The following HDAC9 variants were observed in gnomAD, a reference collection of about 807,000 sequenced individuals.
The protein encoded by HDAC9 is MEF-2 interacting transcription repressor (MITR) protein.
HDAC9 carries 41 observed loss-of-function variants against 139.4 expected under a neutral mutation model. That is an observed-to-expected ratio of 0.29 (90% CI 0.23 to 0.38). The LOEUF (loss-of-function observed/expected upper bound fraction) is 0.38, where lower values mean the gene tolerates loss of function less well. Among genes scored for constraint, HDAC9 ranks in the 10% least tolerant of loss-of-function variants. The pLI, the probability that HDAC9 is intolerant of heterozygous loss-of-function variation, is 1.00. For missense variants in HDAC9, 1,147 were observed against 1,297.0 expected (o/e 0.88, Z 1.78); for synonymous variants, 517 against 476.2 (o/e 1.09, Z -1.12).
intron 1 of HDAC9, among the ~76,000 whole-genome samples, chr7:18,393,849 T>TGCTTAAAAGCCAC (rs1203389578): frequency 3.3e-5 from 5 of 152,224 alleles, no homozygotes; most frequent in African/African-American, 1.2e-4. Context: ...TCCTACAGGC[T>TGCTTAAAAGCCAC]GCTTAAAAGC....
At chr7:18,820,059 G>A (rs1442796394) in intron 17 of HDAC9, among the ~76,000 whole-genome samples, 2 of 152,054 alleles carry the variant, frequency 1.3e-5, no homozygotes, top group Admixed American at 6.6e-5. Context: ...GGTTAAATAT[G>A]AATATATTCC....
At chr7:18,984,350 G>T (rs1585481166) in intron 25 of HDAC9, among the ~76,000 whole-genome samples, 1 of 152,114 alleles carries the variant, frequency 6.6e-6, no homozygotes, top group East Asian at 1.9e-4. Flanking sequence ...TGAGTAAGCT[G>T]GCTGGGTAGA....
chr7:18,093,415 G>A (rs933877029), intron 1 of HDAC9, among the ~76,000 whole-genome samples: 1 of 152,150 alleles, frequency 6.6e-6, no homozygotes, highest in Non-Finnish European at 1.5e-5. Flanking sequence ...AATTGCTGTT[G>A]GGTTCCATCA....
intron 1 of HDAC9, among the ~76,000 whole-genome samples, chr7:18,454,505 C>T (rs966415048): frequency 6.6e-6 from 1 of 151,858 alleles, no homozygotes; most frequent in Non-Finnish European, 1.5e-5. Flanking sequence ...GAAGTCAAAC[C>T]CAAGTACTTG....
rs556642728 is a variant in HDAC9 at position 18,257,822 on chromosome 7, G to A, written c.25+95473G>A. On this transcript the variant is annotated intron_variant, in intron 2 of 12. Transcript: ENST00000417496. ...ATGTTTATAATGCTTTGGGTTAATT[G>A]CATAATGCCTAAGCATCATCCAGAA... 2.0e-5 allele frequency among the ~76,000 whole-genome samples: 3 copies of A among 152,282 alleles called. No individual in the cohort carries two copies. The East Asian group carries it at 5.8e-4, about 29-fold the overall frequency.
intron 1 of HDAC9, among the ~76,000 whole-genome samples, chr7:18,433,993 G>A (rs766672494): frequency 2.0e-5 from 3 of 152,122 alleles, no homozygotes; most frequent in South Asian, 2.1e-4. Flanking sequence ...TAAGCTGAAA[G>A]CATCATTACC....
At chr7:18,786,086 CTA>C (rs993453285) in intron 16 of HDAC9, among the ~76,000 whole-genome samples, 1 of 151,974 alleles carries the variant, frequency 6.6e-6, no homozygotes, top group African/African-American at 2.4e-5. Flanking sequence ...ATTACTTTCT[CTA>C]TGTATTTTCT....
Position 18,735,807 on chromosome 7 carries a change from C to A in HDAC9, c.1909+8050C>A, listed in dbSNP as rs113608087. Among the ~76,000 whole-genome samples, 234 of 152,278 alleles carry A rather than the reference C, an allele frequency of 1.5e-3. 1 individual carries two copies. Among genetic ancestry groups the A allele is most frequent in the African/African-American group, 5.6e-3 (232 of 41,560 alleles). On this transcript the variant is annotated intron_variant, in intron 13 of 25. Coordinates refer to ENST00000686413, the MANE Select transcript of HDAC9 (RefSeq NM_178425.4). ...TAGCTTGATGGGGATAGCATTGAAT[C>A]TATAAATTACTTTGGGCAGTATGGC...
rs1786498040 is a variant in HDAC9 at position 18,996,909 on chromosome 7, A to C, written c.*847A>C. ...AGCAAATGTTCCACCAAGCATTTTC[A>C]GTGTCTTTGAAAAGCACGTAACTTT... On this transcript the variant is annotated 3_prime_UTR_variant, in exon 26 of 26. Transcript: ENST00000686413. 6.6e-6 allele frequency: 1 copy of C among 152,186 alleles called. No homozygotes were observed. The highest frequency in any genetic ancestry group is 2.4e-5 in the African/African-American group (1 of 41,436). 9.4% of individuals were successfully genotyped at this position (152,186 alleles called of 1,614,324 possible).
At chr7:18,603,190 T>A (rs531815581) in intron 6 of HDAC9, among the ~76,000 whole-genome samples, 1 of 152,236 alleles carries the variant, frequency 6.6e-6, no homozygotes, top group Admixed American at 6.5e-5. Context: ...ATCTGTGTCT[T>A]ATATTTAAAG....
At chr7:18,669,933 A>G (rs1021144870) in intron 12 of HDAC9, among the ~76,000 whole-genome samples, 3 of 151,896 alleles carry the variant, frequency 2.0e-5, no homozygotes, top group African/African-American at 7.2e-5. Flanking sequence ...ATAGTCTTCT[A>G]GAAATTGTTA....
intron 1 of HDAC9, among the ~76,000 whole-genome samples, chr7:18,147,705 C>G (rs1003772855): frequency 6.6e-6 from 1 of 150,954 alleles, no homozygotes; most frequent in African/African-American, 2.4e-5. Context: ...ACTCACTGTC[C>G]AGAGTTAGCC....
intron 21 of HDAC9, chr7:18,851,577 C>T (rs1180779976): frequency 6.6e-6 from 1 of 152,182 alleles, no homozygotes; most frequent in Non-Finnish European, 1.5e-5. Flanking sequence ...TACAGGTGCT[C>T]TACGTTCGTA....
intron 25 of HDAC9, among the ~76,000 whole-genome samples, chr7:18,990,071 G>C (rs192478765): frequency 6.6e-6 from 1 of 152,014 alleles, no homozygotes; most frequent in African/African-American, 2.4e-5. Context: ...GTCATTCTCC[G>C]TCCAGCTTTG....
intron 1 of HDAC9, among the ~76,000 whole-genome samples, chr7:18,092,033 G>A (rs1782186758): frequency 6.6e-6 from 1 of 152,150 alleles, no homozygotes; most frequent in African/African-American, 2.4e-5. Context: ...GGCTATACAA[G>A]GGCATGACTC....
chr7:18,317,104 A>C (rs1467754475), intron 1 of HDAC9, among the ~76,000 whole-genome samples: 1 of 132,428 alleles, frequency 7.6e-6, no homozygotes, highest in East Asian at 2.2e-4. Context: ...AAAATAAATA[A>C]ATAAATAAAT....
At chr7:18,117,584 T>A (rs1481208980) in intron 1 of HDAC9, among the ~76,000 whole-genome samples, 1 of 151,232 alleles carries the variant, frequency 6.6e-6, no homozygotes, top group African/African-American at 2.4e-5. Flanking sequence ...AGGTGGAGAC[T>A]GGGATGATGC....
At chr7:18,103,160 T>A (rs1422959985) in intron 1 of HDAC9, among the ~76,000 whole-genome samples, 2 of 151,934 alleles carry the variant, frequency 1.3e-5, no homozygotes, top group Non-Finnish European at 2.9e-5. Context: ...AACCATCAGA[T>A]CTCATGAGAC....
At chr7:18,928,498 A>G (rs190580401) in intron 22 of HDAC9, among the ~76,000 whole-genome samples, 6 of 152,238 alleles carry the variant, frequency 3.9e-5, no homozygotes, top group Non-Finnish European at 8.8e-5. Flanking sequence ...AGAATAAGAT[A>G]AACACTAACA....
Sources: gnomAD v4.1 joint callset for allele counts (sites outside exome capture counted in the v4.1 genomes callset) on GRCh38, gnomAD v4.1.1 for gene constraint, MANE v1.5 for transcripts, NCBI Gene and HGNC (gene_info 2026-07-23, HGNC 2026-07-21) for gene names.